The following DDX46 variants were observed in gnomAD, a reference collection of about 807,000 sequenced individuals.
DDX46 encodes DEAD-box helicase 46.
In DDX46, 30 loss-of-function variants were observed where a neutral mutation model predicts 134.9. The ratio of observed to expected loss-of-function variants is 0.22; its 90% CI spans 0.17 to 0.30. The LOEUF (loss-of-function observed/expected upper bound fraction) is 0.30, where lower values mean the gene tolerates loss of function less well. Among genes scored for constraint, DDX46 ranks in the 10% least tolerant of loss-of-function variants. DDX46 has a pLI of 1.00. For missense variants in DDX46, 622 were observed against 1,248.7 expected, an observed-to-expected ratio of 0.50 and a Z score of 7.56; for synonymous variants, 415 against 404.1, an observed-to-expected ratio of 1.03 and a Z score of -0.32.
At chr5:134,803,808 G>C (rs571334032) in intron 15 of DDX46, among the ~76,000 whole-genome samples, 1 of 151,566 alleles carries the variant, frequency 6.6e-6, no homozygotes, top group Admixed American at 6.6e-5. Flanking sequence ...GTTGTTTCCC[G>C]TAATACTTGT....
rs6883535 is a variant in DDX46 at position 134,820,449 on chromosome 5, G to A, written c.2977+1445G>A. ...ACGATCTTGGCTTACTGCAACCTCC[G>A]CCTTCAGGTTTCACGCGATTCTTGT... On this transcript the variant is annotated intron_variant, in intron 21 of 22. Coordinates refer to ENST00000452510, the MANE Select transcript of DDX46 (RefSeq NM_001300860.2). Among the ~76,000 whole-genome samples the A allele has an allele frequency of 9.9e-3, 1,499 of 151,988 alleles. 19 individuals are homozygous for A. The highest frequency in any genetic ancestry group is 0.033 in the African/African-American group (1,384 of 41,464).
At chr5:134,790,236 G>A (rs1754463550) in intron 12 of DDX46, 4 of 609,134 alleles carry the variant, frequency 6.6e-6, no homozygotes, top group African/African-American at 1.8e-5. Flanking sequence ...TGCAAGAGAC[G>A]AGTTTGACAA....
chr5:134,818,965 C>A lies in DDX46; in HGVS notation c.2938C>A (p.Pro980Thr), dbSNP rs1755364775. 1 of 1,613,816 alleles carries A rather than the reference C, an allele frequency of 6.2e-7. No homozygotes were observed. Among genetic ancestry groups the A allele is most frequent in the Non-Finnish European group, 8.5e-7 (1 of 1,179,942 alleles). Residue 980 changes from proline (P) to threonine (T), a missense_variant, in exon 21 of 23, where the codon CCC (proline) becomes ACC (threonine). Transcript: ENST00000452510. The stretch of plus-strand genomic sequence containing the variant: ...AACCTACTTCCCTCCTGGCAAAGAA[C>A]CCAAGGAAGGCGAGCGGAAGATTTA... ...RGTYFPPGKE[P>T]KEGERKIYLA...
intron 15 of DDX46, among the ~76,000 whole-genome samples, chr5:134,797,639 G>A (rs1465210161): frequency 6.6e-6 from 1 of 152,166 alleles, no homozygotes. Context: ...TCAAGGGGAT[G>A]GAGGCATAGG....
intron 15 of DDX46, among the ~76,000 whole-genome samples, chr5:134,802,860 A>G (rs966036366): frequency 6.6e-6 from 1 of 152,114 alleles, no homozygotes; most frequent in African/African-American, 2.4e-5. Context: ...TAAATTCTCA[A>G]TTCTCTGATG....
chr5:134,784,580 C>T (rs1388035811), intron 10 of DDX46, 39 bp downstream of exon 10: 1 of 1,536,738 alleles, frequency 6.5e-7, no homozygotes, highest in Non-Finnish European at 8.8e-7. Flanking sequence ...CAAATAACAG[C>T]TTTGTTGTCA....
intron 12 of DDX46, 127 bp from the exon 13 acceptor site, chr5:134,790,343 C>T (rs1309930349): frequency 6.6e-6 from 5 of 756,282 alleles, no homozygotes; most frequent in Non-Finnish European, 1.1e-5. Context: ...AGATACCTAA[C>T]TTACCCCTCT....
At chr5:134,795,166 C>A in intron 14 of DDX46, 152 bp downstream of exon 14, 2 of 827,660 alleles carry the variant, frequency 2.4e-6, no homozygotes, top group Non-Finnish European at 3.6e-6. Context: ...ACCAGATAAA[C>A]TTAACTGTGC....
intron 15 of DDX46, chr5:134,797,167 CAAAAAAAAA>C (rs61547263): frequency 0.039 from 899 of 22,856 alleles, 5 homozygotes; most frequent in East Asian, 0.064. Context: ...AACTCCGTCT[CAAAAAAAAA>C]AAAAAAAAAA....
intron 3 of DDX46, among the ~76,000 whole-genome samples, chr5:134,770,196 C>G (rs1194947027): frequency 6.7e-6 from 1 of 149,322 alleles, no homozygotes; most frequent in African/African-American, 2.5e-5. Context: ...TATGCCTGAC[C>G]AAATTTTTTT....
In DDX46 at chr5:134,817,681, T is replaced by C. The variant is rs151201832; in HGVS notation, c.2799T>C (p.Tyr933=). 1.7e-4 allele frequency: 275 copies of C among 1,614,122 alleles called. No individual in the cohort carries two copies. The highest frequency in any genetic ancestry group is 2.1e-4 in the Non-Finnish European group (247 of 1,180,020). Residue 933 remains tyrosine (Y), a synonymous_variant, in exon 20 of 23, where the codon TAT becomes TAC. Transcript: ENST00000452510. ...GACAGAATGAATCTTTTAAGAGATA[T>C]GAAGAAGAATTAGAGATCAATGACT... ...DGGQNESFKR[Y]EEELEINDFP...
chr5:134,759,314 G>C (rs1332688129), intron 1 of DDX46, among the ~76,000 whole-genome samples: 5 of 152,114 alleles, frequency 3.3e-5, no homozygotes, highest in African/African-American at 1.2e-4. Flanking sequence ...ACATTTCCTC[G>C]ACTCCTGTCA....
chr5:134,809,719 T>G (rs1447900644), intron 16 of DDX46, among the ~76,000 whole-genome samples: 4 of 149,584 alleles, frequency 2.7e-5, no homozygotes, highest in African/African-American at 9.8e-5. Flanking sequence ...TTAAAATTCG[T>G]AACAGTTGGC....
chr5:134,763,816 T>C (rs1356087976), intron 1 of DDX46, 88 bp from the exon 2 acceptor site: 4 of 1,422,068 alleles, frequency 2.8e-6, no homozygotes, highest in Non-Finnish European at 3.8e-6. Context: ...TAAATTTGTC[T>C]GCTGAAATTA....
At chr5:134,826,164 C>T (rs757298623) in intron 21 of DDX46, 7 of 152,172 alleles carry the variant, frequency 4.6e-5, no homozygotes, top group Non-Finnish European at 1.0e-4. Context: ...TTGTGAACTA[C>T]TTCCTTTTCA....
chr5:134,818,432 T>A (rs1200836474), intron 20 of DDX46, among the ~76,000 whole-genome samples: 4 of 149,836 alleles, frequency 2.7e-5, no homozygotes, highest in Non-Finnish European at 5.9e-5. Flanking sequence ...CCCGGTGAGG[T>A]GGCTCACGCC....
intron 8 of DDX46, 40 bp downstream of exon 8, chr5:134,782,126 A>G: frequency 6.6e-6 from 10 of 1,522,206 alleles, no homozygotes; most frequent in African/African-American, 1.4e-5. Context: ...ATAAGGGAAC[A>G]GAAGAGGATA....
intron 16 of DDX46, 24 bp from the exon 17 acceptor site, chr5:134,811,197 T>G: frequency 6.2e-7 from 1 of 1,608,876 alleles, no homozygotes; most frequent in African/African-American, 1.3e-5. Flanking sequence ...TGTCTAATAA[T>G]TGTACTTTTT....
chr5:134,777,793 T>G, intron 6 of DDX46, 68 bp downstream of exon 6: 1 of 1,500,678 alleles, frequency 6.7e-7, no homozygotes, highest in Non-Finnish European at 8.9e-7. Flanking sequence ...CATTGCATTG[T>G]CCTACTGATT....
Sources: gnomAD v4.1 joint callset for allele counts (sites outside exome capture counted in the v4.1 genomes callset) on GRCh38, gnomAD v4.1.1 for gene constraint, MANE v1.5 for transcripts, NCBI Gene and HGNC (gene_info 2026-07-23, HGNC 2026-07-21) for gene names.